The following WDR70 variants were observed in gnomAD, a reference collection of about 807,000 sequenced individuals.
WDR70 encodes the protein WD repeat-containing protein 70.
A neutral mutation model predicts 88.6 loss-of-function variants in WDR70; 53 were observed. That is an observed-to-expected ratio of 0.60 (90% CI 0.48 to 0.75). The LOEUF (loss-of-function observed/expected upper bound fraction) is 0.75, where lower values mean the gene tolerates loss of function less well. Ranked by LOEUF, WDR70 falls within the 30% of genes least tolerant of loss-of-function variation. The pLI is 0.00. For synonymous variants in WDR70, 280 were observed against 270.0 expected (o/e 1.04, Z -0.36); for missense variants, 610 against 823.2 (o/e 0.74, Z 3.17).
intron 8 of WDR70, among the ~76,000 whole-genome samples, chr5:37,501,532 T>C (rs1581342578): frequency 6.6e-6 from 1 of 152,186 alleles, no homozygotes; most frequent in African/African-American, 2.4e-5. Flanking sequence ...TCTTGTAGTA[T>C]TTTAAGAAAG....
At chr5:37,395,857 G>A (rs1024494404) in intron 4 of WDR70, among the ~76,000 whole-genome samples, 1 of 152,188 alleles carries the variant, frequency 6.6e-6, no homozygotes, top group African/African-American at 2.4e-5. Context: ...CTGGAGTAGA[G>A]TGACGCAGTC....
In WDR70 at chr5:37,703,199, G is replaced by C. The variant is rs1329516618; in HGVS notation, c.1416+112G>C. Reference sequence around the variant, plus strand: ...TAAGCCCTGGCCCTTAGAGCACGGTGATAGCTGCTTTTCACTCTAGCGTAG... The same window carrying C: ...TAAGCCCTGGCCCTTAGAGCACGGTCATAGCTGCTTTTCACTCTAGCGTAG... On this transcript the variant is annotated intron_variant, in intron 13 of 17. Transcript: ENST00000265107. 3.8e-6 allele frequency: 5 copies of C among 1,318,788 alleles called. No homozygotes were observed. The Admixed American group carries it at 1.0e-4, about 26-fold the overall frequency. 81.7% of individuals were successfully genotyped at this position (1,318,788 alleles called of 1,614,324 possible). A position where few individuals can be genotyped will look rare whatever the true frequency, so the allele number is the denominator to read the frequency against.
intron 9 of WDR70, among the ~76,000 whole-genome samples, chr5:37,602,815 A>G (rs1037155544): frequency 6.6e-6 from 1 of 151,890 alleles, no homozygotes; most frequent in Admixed American, 6.6e-5. Context: ...CATCTCTACT[A>G]AAAATACAAA....
intron 8 of WDR70, among the ~76,000 whole-genome samples, chr5:37,483,856 G>T (rs576531758): frequency 1.6e-3 from 241 of 151,794 alleles, no homozygotes; most frequent in African/African-American, 5.4e-3. Flanking sequence ...CTGCCGGGTG[G>T]AGGGGCTCCT....
chr5:37,527,330 A>C (rs1203105969), intron 9 of WDR70, among the ~76,000 whole-genome samples: 1 of 152,194 alleles, frequency 6.6e-6, no homozygotes, highest in Non-Finnish European at 1.5e-5. Context: ...AGAATACCAC[A>C]CATCTACAAC....
intron 17 of WDR70, among the ~76,000 whole-genome samples, chr5:37,734,435 C>T (rs1748240698): frequency 6.6e-6 from 1 of 152,042 alleles, no homozygotes; most frequent in Non-Finnish European, 1.5e-5. Context: ...TGAACACCAA[C>T]TATGTGTTAG....
intron 8 of WDR70, among the ~76,000 whole-genome samples, chr5:37,515,253 A>C (rs1263517906): frequency 2.0e-5 from 3 of 152,112 alleles, no homozygotes; most frequent in African/African-American, 7.2e-5. Context: ...GACCATGGTT[A>C]TGGGAATATT....
intron 17 of WDR70, among the ~76,000 whole-genome samples, chr5:37,749,157 C>T (rs573506018): frequency 2.2e-4 from 33 of 152,282 alleles, no homozygotes; most frequent in Non-Finnish European, 3.4e-4. Flanking sequence ...CACATGCACA[C>T]GTATGTTTAT....
At chr5:37,533,754 T>C (rs1052171814) in intron 9 of WDR70, among the ~76,000 whole-genome samples, 6 of 152,070 alleles carry the variant, frequency 3.9e-5, no homozygotes, top group African/African-American at 1.4e-4. Flanking sequence ...TGGCTGCCTC[T>C]GCTGAGTTAC....
chr5:37,471,067 T>G (rs1038473342), intron 7 of WDR70, among the ~76,000 whole-genome samples: 4 of 151,900 alleles, frequency 2.6e-5, no homozygotes, highest in African/African-American at 9.7e-5. Context: ...CATTTTTAGG[T>G]TTTAGGGTTT....
chr5:37,726,967 G>C lies in WDR70; in HGVS notation c.1799G>C (p.Ser600Thr). ...KNIALDKTDD[S>T]NPREAILRHA... Reference sequence around the variant, plus strand: ...ATTGCTTTGGACAAGACCGATGACAGTAATCCTCGGGAAGCCATTTTGCGT... The same window carrying C: ...ATTGCTTTGGACAAGACCGATGACACTAATCCTCGGGAAGCCATTTTGCGT... The change falls in exon 17 of 18, where the codon AGT becomes ACT. Residue 600 changes from serine to threonine, a missense_variant. By Grantham distance (58) the Ser-to-Thr change is moderately conservative. Transcript: ENST00000265107. 1.2e-6 allele frequency: 2 copies of C among 1,611,916 alleles called. No individual in the cohort carries two copies. The highest frequency in any genetic ancestry group is 2.2e-5 in the South Asian group (2 of 90,580).
chr5:37,627,829 G>A (rs748735570), intron 10 of WDR70, among the ~76,000 whole-genome samples: 3 of 152,070 alleles, frequency 2.0e-5, no homozygotes, highest in African/African-American at 4.8e-5. Flanking sequence ...GACTTGTTTT[G>A]TGCCCTAACA....
intron 17 of WDR70, among the ~76,000 whole-genome samples, chr5:37,732,658 T>G (rs1748181251): frequency 6.6e-6 from 1 of 152,170 alleles, no homozygotes; most frequent in African/African-American, 2.4e-5. Flanking sequence ...ACCCTGTTTC[T>G]TGTGAACTAT....
chr5:37,460,481 A>T (rs1738954353), intron 7 of WDR70, among the ~76,000 whole-genome samples: 1 of 60,212 alleles, frequency 1.7e-5, no homozygotes, highest in African/African-American at 4.9e-5. Flanking sequence ...ATAGGTGGGA[A>T]TTGAACAATG....
rs78428639 is a variant in WDR70, at chr5:37,515,515, T to C, written c.841-999T>C. ...CATGCCTCCCACATGGCTAAGAGTC[T>C]CCACCTCCCCTCATTTGTATTCCGT... On this transcript the variant is annotated intron_variant, in intron 8 of 17. Coordinates refer to ENST00000265107, the MANE Select transcript of WDR70 (RefSeq NM_018034.4). Among the ~76,000 whole-genome samples the C allele has an allele frequency of 1.3e-3, 196 of 152,320 alleles. 1 individual carries two copies. The highest frequency in any genetic ancestry group is 4.6e-3 in the African/African-American group (191 of 41,570).
intron 5 of WDR70, among the ~76,000 whole-genome samples, chr5:37,418,462 G>C (rs1445156918): frequency 6.6e-6 from 1 of 152,072 alleles, no homozygotes; most frequent in Non-Finnish European, 1.5e-5. Context: ...TGGGACTACA[G>C]GCAACCGCCA....
At chr5:37,619,926 T>G (rs1303843725) in intron 10 of WDR70, 1 of 149,948 alleles carries the variant, frequency 6.7e-6, no homozygotes, top group Non-Finnish European at 1.5e-5. Context: ...GGTTTTTTTT[T>G]TTTTTTTTTT....
At chr5:37,673,586 C>CA (rs1173440339) in intron 10 of WDR70, among the ~76,000 whole-genome samples, 8 of 97,108 alleles carry the variant, frequency 8.2e-5, no homozygotes, top group African/African-American at 3.2e-4. Context: ...TTTTCTTACC[C>CA]CCCCCCCACC....
chr5:37,637,953 G>A (rs1745016503), intron 10 of WDR70, among the ~76,000 whole-genome samples: 1 of 152,150 alleles, frequency 6.6e-6, no homozygotes, highest in African/African-American at 2.4e-5. Context: ...TTCAGGGGTA[G>A]CAATGCCACT....
Sources: allele counts gnomAD v4.1 joint callset (sites outside exome capture counted in the v4.1 genomes callset), GRCh38; gene constraint gnomAD v4.1.1; transcripts MANE v1.5; gene names NCBI Gene and HGNC (gene_info 2026-07-23, HGNC 2026-07-21).